The following SHB variants were observed in gnomAD, a reference collection of about 807,000 sequenced individuals.
The protein encoded by SHB is SH2 domain containing adaptor protein B.
In SHB, 20 loss-of-function variants were observed where a neutral mutation model predicts 52.3. The ratio of observed to expected loss-of-function variants is 0.38; its 90% CI spans 0.27 to 0.56. The LOEUF is 0.56. Among genes scored for constraint, SHB ranks in the 20% least tolerant of loss-of-function variants. SHB has a pLI of 0.71. For missense variants in SHB, 825 were observed against 723.3 expected, an observed-to-expected ratio of 1.14 and a Z score of -1.61; for synonymous variants, 397 against 316.5, an observed-to-expected ratio of 1.25 and a Z score of -2.70.
At position 37,974,813 on chromosome 9, in the gene SHB, C is replaced by T. The variant is rs370530548; in HGVS notation, c.863G>A (p.Arg288Gln). 9.1e-5 allele frequency: 147 copies of T among 1,613,986 alleles called. 2 individuals carry two copies. The Middle Eastern group carries it at 5.4e-3, about 60-fold the overall frequency. The change falls in exon 3 of 6, where the codon CGG (arginine) becomes CAG (glutamine). Residue 288 changes from arginine to glutamine, a missense_variant. Coordinates refer to ENST00000377707, the MANE Select transcript of SHB (RefSeq NM_003028.3). ...MTEFQRQESV[R>Q]SQHKGIQLYD... The stretch of plus-strand genomic sequence containing the variant: ...TAACTGGATACCTTTATGCTGGGAC[C>T]GGACACTTTCCTGCCTCTGAAATTC...
At chr9:38,038,633 C>G (rs1405604513) in intron 1 of SHB, among the ~76,000 whole-genome samples, 1 of 152,220 alleles carries the variant, frequency 6.6e-6, no homozygotes, top group Non-Finnish European at 1.5e-5. Context: ...AGCAGCGGGT[C>G]TGCCTGACTC....
rs1821506555 is a variant in SHB, at chr9:38,037,712, G to T, written c.718-21581C>A. Among the ~76,000 whole-genome samples, 4 of 152,182 alleles carry T rather than the reference G, an allele frequency of 2.6e-5. No homozygotes were observed. In the South Asian group the frequency reaches 8.3e-4, roughly 32 times the overall value. ...AGAACCCCACCTCCGCTAGAAGTGA[G>T]CCTCTCTCCTCTGAGCCCTGAAGTT... On this transcript the variant is annotated intron_variant, in intron 1 of 5. Transcript: ENST00000377707.
At chr9:38,019,551 T>A (rs1456601433) in intron 1 of SHB, among the ~76,000 whole-genome samples, 1 of 152,256 alleles carries the variant, frequency 6.6e-6, no homozygotes, top group Non-Finnish European at 1.5e-5. Context: ...TGGCCACACT[T>A]CCCTATGGAC....
At chr9:37,965,243 T>A (rs1392711258) in intron 3 of SHB, among the ~76,000 whole-genome samples, 1 of 152,144 alleles carries the variant, frequency 6.6e-6, no homozygotes, top group Middle Eastern at 3.2e-3. Flanking sequence ...TGGCCACAAA[T>A]ATGGCTTGCC....
chr9:38,050,042 T>C (rs1441775836), intron 1 of SHB, among the ~76,000 whole-genome samples: 1 of 152,150 alleles, frequency 6.6e-6, no homozygotes, highest in East Asian at 1.9e-4. Context: ...CCTCCTGTCT[T>C]GGCCTCCCAA....
intron 2 of SHB, among the ~76,000 whole-genome samples, chr9:37,985,289 T>A (rs1248719335): frequency 6.6e-6 from 1 of 152,228 alleles, no homozygotes; most frequent in African/African-American, 2.4e-5. Context: ...TGGTTGTCTG[T>A]ACAAGGACAG....
At chr9:37,973,198 C>T (rs1820611451) in intron 3 of SHB, among the ~76,000 whole-genome samples, 1 of 152,284 alleles carries the variant, frequency 6.6e-6, no homozygotes, top group Middle Eastern at 3.4e-3. Context: ...TCTCCATTTT[C>T]CATGATTATA....
intron 5 of SHB, 143 bp downstream of exon 5, chr9:37,948,492 A>T: frequency 1.0e-6 from 1 of 969,294 alleles, no homozygotes; most frequent in Non-Finnish European, 1.6e-6. Context: ...AATAGGATCA[A>T]ATTGAAAAAC....
intron 5 of SHB, among the ~76,000 whole-genome samples, chr9:37,937,985 C>A (rs1211433717): frequency 6.6e-6 from 1 of 152,180 alleles, no homozygotes; most frequent in Non-Finnish European, 1.5e-5. Context: ...TCAGGCCCTG[C>A]CTTAACACTG....
At chr9:37,934,004 C>T (rs1236800014) in intron 5 of SHB, among the ~76,000 whole-genome samples, 2 of 152,248 alleles carry the variant, frequency 1.3e-5, no homozygotes, top group East Asian at 1.9e-4. Context: ...TTCTGCTGCC[C>T]GTTCCCCAGG....
At chr9:38,026,848 G>A (rs919324866) in intron 1 of SHB, among the ~76,000 whole-genome samples, 3 of 152,134 alleles carry the variant, frequency 2.0e-5, no homozygotes, top group Non-Finnish European at 2.9e-5. Flanking sequence ...TGTTCAGTCC[G>A]ATCACCTCGT....
chr9:38,027,015 G>T (rs1165774069), intron 1 of SHB, among the ~76,000 whole-genome samples: 3 of 152,350 alleles, frequency 2.0e-5, no homozygotes, highest in Non-Finnish European at 4.4e-5. Flanking sequence ...GCCAGGCAGG[G>T]TGAGTAAATG....
At chr9:37,938,577 C>T (rs935166943) in intron 5 of SHB, among the ~76,000 whole-genome samples, 3 of 152,206 alleles carry the variant, frequency 2.0e-5, no homozygotes, top group South Asian at 2.1e-4. Context: ...TGGAGACAGA[C>T]GGGCAGTTGG....
intron 5 of SHB, among the ~76,000 whole-genome samples, chr9:37,922,879 C>T (rs1405531720): frequency 6.6e-6 from 1 of 152,172 alleles, no homozygotes; most frequent in Non-Finnish European, 1.5e-5. Flanking sequence ...AGCCCTAGAT[C>T]CTGGATTCCA....
At chr9:37,927,244 T>A (rs555443896) in intron 5 of SHB, among the ~76,000 whole-genome samples, 40 of 152,320 alleles carry the variant, frequency 2.6e-4, no homozygotes, top group Non-Finnish European at 5.1e-4. Flanking sequence ...GCAGCTGGGA[T>A]AAAGGAGCTT....
At chr9:37,987,317 AC>A (rs1352105256) in intron 2 of SHB, among the ~76,000 whole-genome samples, 1 of 151,992 alleles carries the variant, frequency 6.6e-6, no homozygotes, top group Non-Finnish European at 1.5e-5. Flanking sequence ...TCTCAAGACA[AC>A]CCCATGAGGT....
chr9:37,918,374 C>CGT lies in SHB; in HGVS notation c.*1445_*1446dup, dbSNP rs113506995. Among the ~76,000 whole-genome samples, 27 of 139,178 alleles carry CGT rather than the reference C, an allele frequency of 1.9e-4. No individual in the cohort carries two copies. Among genetic ancestry groups the CGT allele is most frequent in the African/African-American group, 7.5e-4 (27 of 35,968 alleles). The allele number at this position is 139,178 out of a possible 152,430, so 91.3% of individuals were successfully genotyped here. ...AAGAGAGAGGTCGCGTGTGCGTGTG[C>CGT]GTGTGTAGGTGTTCTTGTGTGTGGA... On this transcript the variant is annotated 3_prime_UTR_variant, in exon 6 of 6. Coordinates refer to ENST00000377707, the MANE Select transcript of SHB (RefSeq NM_003028.3).
At chr9:37,979,464 T>C (rs748079705) in intron 2 of SHB, among the ~76,000 whole-genome samples, 1 of 151,946 alleles carries the variant, frequency 6.6e-6, no homozygotes, top group African/African-American at 2.4e-5. Context: ...ACTGCGGCCA[T>C]GGCGGGGTCT....
chr9:38,036,560 G>C (rs1461541844), intron 1 of SHB, among the ~76,000 whole-genome samples: 1 of 152,178 alleles, frequency 6.6e-6, no homozygotes, highest in Admixed American at 6.5e-5. Flanking sequence ...CACTGGCGGC[G>C]ATGATCTCAA....
Sources: gnomAD v4.1 joint callset for allele counts (sites outside exome capture counted in the v4.1 genomes callset) on GRCh38, gnomAD v4.1.1 for gene constraint, MANE v1.5 for transcripts, NCBI Gene and HGNC (gene_info 2026-07-23, HGNC 2026-07-21) for gene names.